CLEC17A: variants seen among roughly 807,000 people sequenced by gnomAD.
CLEC17A encodes the protein C-type lectin domain containing 17A.
A neutral mutation model predicts 61.3 loss-of-function variants in CLEC17A; 37 were observed. The observed-to-expected ratio is 0.60, with a 90% CI of 0.46 to 0.79. The LOEUF (loss-of-function observed/expected upper bound fraction) is 0.79, where lower values mean the gene tolerates loss of function less well. CLEC17A is among the 30% of genes least tolerant of loss of function. The pLI is 0.00. For missense variants in CLEC17A, 418 were observed against 464.7 expected (o/e 0.90, Z 0.92); for synonymous variants, 168 against 164.9 (o/e 1.02, Z -0.14).
At chr19:14,599,931 C>T (rs1203374848) in intron 11 of CLEC17A, 100 bp from the exon 12 acceptor site, 41 of 1,523,758 alleles carry the variant, frequency 2.7e-5, no homozygotes, top group Admixed American at 1.3e-4. Flanking sequence ...TCCCCCTCAC[C>T]GGAGTTGAGC....
In CLEC17A at chr19:14,583,243, G is replaced by A. The variant is rs753546014; in HGVS notation, c.43+40G>A. On this transcript the variant is annotated intron_variant, in intron 1 of 13. Coordinates refer to ENST00000417570, the MANE Select transcript of CLEC17A (RefSeq NM_001204118.2). The stretch of plus-strand genomic sequence containing the variant: ...AGGCTGGGGCTGGGGCCTAGGTGTG[G>A]TCAGGACCCAGGGTACAGAATCCCC... 5.6e-6 allele frequency: 9 copies of A among 1,613,626 alleles called. No individual in the cohort carries two copies. In the Admixed American group the frequency reaches 1.0e-4, roughly 18 times the overall value.
At chr19:14,584,568 C>T (rs1487277529) in intron 2 of CLEC17A, among the ~76,000 whole-genome samples, 1 of 152,048 alleles carries the variant, frequency 6.6e-6, no homozygotes, top group Non-Finnish European at 1.5e-5. Flanking sequence ...AGGGCTGAGG[C>T]TGTATATCCC....
intron 8 of CLEC17A, among the ~76,000 whole-genome samples, chr19:14,595,977 T>G: frequency 1.3e-5 from 2 of 152,274 alleles, no homozygotes; most frequent in Non-Finnish European, 2.9e-5. Context: ...ATGACAATGT[T>G]GTTGGTAGAG....
At chr19:14,596,679 C>T (rs181488294) in intron 8 of CLEC17A, among the ~76,000 whole-genome samples, 197 bp from the exon 9 acceptor site, 19 of 152,206 alleles carry the variant, frequency 1.2e-4, no homozygotes, top group Non-Finnish European at 2.5e-4. Context: ...TGATGCTTAG[C>T]GCACCGTAAA....
At chr19:14,594,118 A>G (rs1044732363) in intron 4 of CLEC17A, among the ~76,000 whole-genome samples, 1 of 151,972 alleles carries the variant, frequency 6.6e-6, no homozygotes, top group African/African-American at 2.4e-5. Context: ...TCCTGTCTCT[A>G]CTAAAAATAT....
At chr19:14,587,232 G>GAT (rs1275563141) in intron 2 of CLEC17A, among the ~76,000 whole-genome samples, 1 of 114,680 alleles carries the variant, frequency 8.7e-6, no homozygotes. Flanking sequence ...TCCAGAGAAA[G>GAT]ATGTGTGTGT....
intron 11 of CLEC17A, 108 bp from the exon 12 acceptor site, chr19:14,599,923 C>T: frequency 6.6e-7 from 1 of 1,509,856 alleles, no homozygotes; most frequent in Admixed American, 1.9e-5. Context: ...GGTGCCCCTC[C>T]CCCTCACCGG....
At position 14,610,284 on chromosome 19, in the gene CLEC17A, G is replaced by A. The variant is rs1210392395; in HGVS notation, c.*88G>A. The A allele has an allele frequency of 5.3e-6, 8 of 1,505,718 alleles. No individual in the cohort carries two copies. Among genetic ancestry groups the A allele is most frequent in the Middle Eastern group, 2.2e-4 (1 of 4,556 alleles). 93.3% of individuals were successfully genotyped at this position (1,505,718 alleles called of 1,614,324 possible). On this transcript the variant is annotated 3_prime_UTR_variant, in exon 14 of 14. Transcript: ENST00000417570. ...CTTTCGTGGACGGCCTTGCCTCTTC[G>A]TGAGTGGACACACAGATGTGCCTCA...
rs1396730532 is a variant in CLEC17A at position 14,599,126 on chromosome 19, T to C, written c.647-591T>C. 2.2e-5 allele frequency among the ~76,000 whole-genome samples: 3 copies of C among 139,154 alleles called. No homozygotes were observed. In the East Asian group the frequency reaches 6.6e-4, roughly 31 times the overall value. 91.3% of individuals were successfully genotyped at this position (139,154 alleles called of 152,430 possible). On this transcript the variant is annotated intron_variant, in intron 10 of 13. Coordinates refer to ENST00000417570, the MANE Select transcript of CLEC17A (RefSeq NM_001204118.2). ...TTTTTGAGATGAAGTCTCACTCTCTTGCCCAGGCTGGAGCACAGTGGTGTG... is the reference window on the plus strand; with the variant it reads ...TTTTTGAGATGAAGTCTCACTCTCTCGCCCAGGCTGGAGCACAGTGGTGTG...
At chr19:14,607,162 G>A (rs181049208) in intron 13 of CLEC17A, 60 bp downstream of exon 13, 105 of 740,786 alleles carry the variant, frequency 1.4e-4, no homozygotes, top group Non-Finnish European at 1.9e-4. Context: ...ACCATGGGGA[G>A]GGGAGAAGGT....
intron 13 of CLEC17A, among the ~76,000 whole-genome samples, chr19:14,607,549 TA>T (rs1304149049): frequency 7.9e-6 from 1 of 127,136 alleles, no homozygotes; most frequent in African/African-American, 3.1e-5. Context: ...TATTTTATTT[TA>T]TTATTTATTT....
At chr19:14,582,475 G>GT (rs2074194032), upstream of CLEC17A, among the ~76,000 whole-genome samples, 1 of 152,148 alleles carries the variant, frequency 6.6e-6, no homozygotes. Flanking sequence ...GCCTCCCAAA[G>GT]TGCTGGGATT....
intron 3 of CLEC17A, among the ~76,000 whole-genome samples, chr19:14,589,177 A>C (rs1028488305): frequency 3.4e-5 from 5 of 148,464 alleles, no homozygotes; most frequent in African/African-American, 1.3e-4. Flanking sequence ...CATCCTAACC[A>C]CATCATGACC....
intron 12 of CLEC17A, among the ~76,000 whole-genome samples, chr19:14,605,651 T>C (rs188564375): frequency 6.6e-6 from 1 of 152,248 alleles, no homozygotes; most frequent in Non-Finnish European, 1.5e-5. Flanking sequence ...TCACCATCAA[T>C]TTGTTTGGAG....
intron 12 of CLEC17A, among the ~76,000 whole-genome samples, chr19:14,601,604 G>A (rs1278858501): frequency 6.6e-6 from 1 of 152,018 alleles, no homozygotes. Flanking sequence ...TAGGACTATA[G>A]TATGGTTTAT....
chr19:14,601,420 G>A (rs2074714058), intron 12 of CLEC17A, among the ~76,000 whole-genome samples: 1 of 152,136 alleles, frequency 6.6e-6, no homozygotes, highest in African/African-American at 2.4e-5. Context: ...TTAATGATTT[G>A]CTACTACAAT....
intron 13 of CLEC17A, among the ~76,000 whole-genome samples, chr19:14,607,436 C>T (rs11879534): frequency 0.069 from 10,403 of 151,780 alleles, 392 homozygotes; most frequent in Middle Eastern, 0.096. Context: ...ATCTCCTGAC[C>T]TCGTGATCTG....
Position 14,599,780 on chromosome 19 carries a change from A to G in CLEC17A, c.710A>G (p.Asn237Ser), listed in dbSNP as rs776977838. 2.5e-6 allele frequency: 4 copies of G among 1,613,852 alleles called. No individual in the cohort carries two copies. The South Asian group carries it at 3.3e-5, about 13-fold the overall frequency. ...HDIARVRADT[N>S]QSLVELWGLL... The stretch of plus-strand genomic sequence containing the variant: ...ATTGCCCGTGTAAGAGCTGACACCA[A>G]CCAGTCCCTGGTGGAACTTTGGGGC... Residue 237 changes from asparagine (N) to serine (S), a missense_variant, in exon 11 of 14, where the codon AAC becomes AGC. Transcript: ENST00000417570.
intron 4 of CLEC17A, among the ~76,000 whole-genome samples, chr19:14,593,787 C>T (rs1484306792): frequency 2.6e-5 from 4 of 151,190 alleles, no homozygotes; most frequent in African/African-American, 7.3e-5. Flanking sequence ...GGTGAAACCC[C>T]GTCTCTATTA....
Sources: gnomAD v4.1 joint callset for allele counts (sites outside exome capture counted in the v4.1 genomes callset) on GRCh38, gnomAD v4.1.1 for gene constraint, MANE v1.5 for transcripts, NCBI Gene and HGNC (gene_info 2026-07-23, HGNC 2026-07-21) for gene names.